The following SLC6A7 variants were observed in gnomAD, a reference collection of about 807,000 sequenced individuals.
SLC6A7 encodes the protein sodium-dependent proline transporter.
Under a neutral mutation model 73.1 loss-of-function variants are expected in SLC6A7, and 58 were observed. That is an observed-to-expected ratio of 0.79 (90% CI 0.64 to 0.99). The LOEUF (loss-of-function observed/expected upper bound fraction) is 0.99, where lower values mean the gene tolerates loss of function less well. SLC6A7 is among the 50% of genes least tolerant of loss of function. The pLI, the probability that SLC6A7 is intolerant of heterozygous loss-of-function variation, is 0.00. For missense variants in SLC6A7, 783 were observed against 831.4 expected (o/e 0.94, Z 0.72); for synonymous variants, 338 against 338.7 (o/e 1.00, Z 0.02).
Position 150,190,227 on chromosome 5 carries a change from G to T in SLC6A7, c.-101G>T. 1 of 1,024,906 alleles carries T rather than the reference G, an allele frequency of 9.8e-7. No homozygotes were observed. The highest frequency in any genetic ancestry group is 1.4e-6 in the Non-Finnish European group (1 of 721,336). 63.5% of individuals were successfully genotyped at this position (1,024,906 alleles called of 1,614,324 possible). On this transcript the variant is annotated 5_prime_UTR_variant, in exon 1 of 14. Transcript: ENST00000230671. ...TCCGTGCCCGCCCCAGCCGGTGCGC[G>T]GGAGCCGCGGGGGCAAAGGCGCAGT...
Position 150,190,290 on chromosome 5 carries a change from C to T in SLC6A7, c.-38C>T, listed in dbSNP as rs1752713916. 2 of 1,503,304 alleles carry T rather than the reference C, an allele frequency of 1.3e-6. No individual in the cohort carries two copies. Among genetic ancestry groups the T allele is most frequent in the African/African-American group, 1.5e-5 (1 of 68,928 alleles). The allele number at this position is 1,503,304 out of a possible 1,614,324, so 93.1% of individuals were successfully genotyped here. ...ATCTCTCGTGCCCTCGCTCTCTGCG[C>T]TCCGGGGCAGCTGAGCCCCGGCCAC... On this transcript the variant is annotated 5_prime_UTR_variant, in exon 1 of 14. Coordinates refer to ENST00000230671, the MANE Select transcript of SLC6A7 (RefSeq NM_014228.5).
chr5:150,199,736 T>G (rs145242639), intron 5 of SLC6A7, among the ~76,000 whole-genome samples: 1 of 152,146 alleles, frequency 6.6e-6, no homozygotes, highest in African/African-American at 2.4e-5. Flanking sequence ...TCACACTCAG[T>G]TGGAAAGTCC....
intron 13 of SLC6A7, among the ~76,000 whole-genome samples, chr5:150,208,925 C>T (rs546291498): frequency 3.0e-4 from 46 of 152,324 alleles, no homozygotes; most frequent in Non-Finnish European, 4.4e-4. Context: ...GCAGTTCTCC[C>T]GGTTCATGGC....
rs139562178 is a variant in SLC6A7 at position 150,207,128 on chromosome 5, T to C, written c.1701+1505T>C. The stretch of plus-strand genomic sequence containing the variant: ...CTGCACTTCCCTGAACCTCAGCTTC[T>C]CTGTCTTTATTTTTATTTTATTTTA... On this transcript the variant is annotated intron_variant, in intron 13 of 13. Transcript: ENST00000230671. Among the ~76,000 whole-genome samples, 608 of 152,352 alleles carry C rather than the reference T, an allele frequency of 4.0e-3. 5 individuals are homozygous for C. The highest frequency in any genetic ancestry group is 0.014 in the African/African-American group (588 of 41,584).
intron 2 of SLC6A7, among the ~76,000 whole-genome samples, chr5:150,196,129 C>T (rs912833750): frequency 1.3e-4 from 20 of 152,174 alleles, no homozygotes; most frequent in African/African-American, 4.6e-4. Flanking sequence ...GGGCGGTGAA[C>T]CCCCTCCTTC....
chr5:150,191,087 G>A (rs1268100930), intron 1 of SLC6A7, among the ~76,000 whole-genome samples: 2 of 152,198 alleles, frequency 1.3e-5, no homozygotes, highest in Non-Finnish European at 2.9e-5. Context: ...GACGTTTTCT[G>A]GCTTGTACCA....
In SLC6A7 at chr5:150,209,716, TGG is replaced by T. The variant is rs1485822137; in HGVS notation, c.*107_*108del. On this transcript the variant is annotated 3_prime_UTR_variant, in exon 14 of 14. Coordinates refer to ENST00000230671, the MANE Select transcript of SLC6A7 (RefSeq NM_014228.5). ...TGCCCTCTGGGATTCTGAGAGGCTA[TGG>T]GGGGGCCTGCCATAGGGATGCCAGT... The T allele has an allele frequency of 2.1e-6, 2 of 965,322 alleles. No individual in the cohort carries two copies. Among genetic ancestry groups the T allele is most frequent in the Non-Finnish European group, 3.2e-6 (2 of 629,720 alleles). 59.8% of individuals were successfully genotyped at this position (965,322 alleles called of 1,614,324 possible). A position where few individuals can be genotyped will look rare whatever the true frequency, so the allele number is the denominator to read the frequency against.
intron 8 of SLC6A7, among the ~76,000 whole-genome samples, chr5:150,203,045 G>A (rs1418284917): frequency 6.0e-5 from 9 of 150,426 alleles, no homozygotes; most frequent in Admixed American, 1.3e-4. Context: ...CTGCCCTCTA[G>A]CATGGGCAAC....
chr5:150,200,515 T>C (rs1753320569), intron 5 of SLC6A7, among the ~76,000 whole-genome samples: 1 of 151,940 alleles, frequency 6.6e-6, no homozygotes, highest in South Asian at 2.1e-4. Context: ...AAAGAAAAAC[T>C]CAGAAACCTT....
At chr5:150,195,251 T>G in intron 2 of SLC6A7, 1 of 212,566 alleles carries the variant, frequency 4.7e-6, no homozygotes, top group Non-Finnish European at 9.5e-6. Flanking sequence ...TCACTGCACT[T>G]TCAGTGTTCT....
intron 2 of SLC6A7, among the ~76,000 whole-genome samples, chr5:150,196,018 G>A: frequency 6.6e-6 from 1 of 152,232 alleles, no homozygotes; most frequent in Non-Finnish European, 1.5e-5. Context: ...CAACCCAAGA[G>A]CTTTGCAGAA....
Position 150,209,609 on chromosome 5 carries a change from G to T in SLC6A7, c.1905G>T (p.Met635Ile). ...AGATTGCAGAGGAGGAGGAGTCGATGATGTGAGGCAGGAGGCAGGCGGGCA... is the reference window on the plus strand; with the variant it reads ...AGATTGCAGAGGAGGAGGAGTCGATTATGTGAGGCAGGAGGCAGGCGGGCA... ...DREIAEEEES[M>I]M The change falls in exon 14 of 14, where the codon ATG (methionine) becomes ATT (isoleucine). Residue 635 changes from methionine (M) to isoleucine (I), a missense_variant. Coordinates refer to ENST00000230671, the MANE Select transcript of SLC6A7 (RefSeq NM_014228.5). 6.2e-7 allele frequency: 1 copy of T among 1,600,274 alleles called. No homozygotes were observed. Among genetic ancestry groups the T allele is most frequent in the Non-Finnish European group, 8.5e-7 (1 of 1,173,052 alleles).
At chr5:150,201,032 G>A in intron 5 of SLC6A7, 57 bp from the exon 6 acceptor site, 1 of 1,592,534 alleles carries the variant, frequency 6.3e-7, no homozygotes. Flanking sequence ...AGTTTACAAG[G>A]AATGGCACTG....
At chr5:150,199,470 C>G in intron 5 of SLC6A7, 104 bp downstream of exon 5, 1 of 791,556 alleles carries the variant, frequency 1.3e-6, no homozygotes, top group Non-Finnish European at 2.1e-6. Context: ...GAGACTTCAG[C>G]TGGGCAGAGG....
At chr5:150,205,965 G>A (rs1753678922) in intron 13 of SLC6A7, among the ~76,000 whole-genome samples, 2 of 152,198 alleles carry the variant, frequency 1.3e-5, no homozygotes, top group African/African-American at 2.4e-5. Context: ...GACAGTGAGG[G>A]ACCCCAGAGG....
At position 150,199,291 on chromosome 5, in the gene SLC6A7, C is replaced by T; in HGVS notation, c.648C>T (p.Asn216=). 2 of 1,614,098 alleles carry T rather than the reference C, an allele frequency of 1.2e-6. No homozygotes were observed. Among genetic ancestry groups the T allele is most frequent in the South Asian group, 2.2e-5 (2 of 91,074 alleles). The stretch of plus-strand genomic sequence containing the variant: ...GCAGCCCTGGGGAGATCCGCTGGAA[C>T]CTCTGCCTCTGCCTGCTGCTGGCCT... ...GIGSPGEIRW[N]LCLCLLLAWV... Residue 216 remains asparagine, a synonymous_variant, in exon 5 of 14, where the codon AAC becomes AAT. Transcript: ENST00000230671.
At chr5:150,200,274 C>G (rs1156993011) in intron 5 of SLC6A7, among the ~76,000 whole-genome samples, 9 of 152,186 alleles carry the variant, frequency 5.9e-5, no homozygotes, top group Non-Finnish European at 1.3e-4. Context: ...GGGTGGATCA[C>G]CTGAGGTCAG....
In SLC6A7 at chr5:150,197,047, G is replaced by T; in HGVS notation, c.355G>T (p.Gly119Cys). 1 of 1,613,548 alleles carries T rather than the reference G, an allele frequency of 6.2e-7. No homozygotes were observed. Residue 119 changes from glycine to cysteine, a missense_variant, in exon 4 of 14, where the codon GGC becomes TGC. Gly to Cys is a radical substitution (Grantham distance 159). Transcript: ENST00000230671. Reference sequence around the variant, plus strand: ...GCAGCCTCTCCCCACACCAGGCGCCGGCGCAGCCATGCTGCTCATCGTGGG... The same window carrying T: ...GCAGCCTCTCCCCACACCAGGCGCCTGCGCAGCCATGCTGCTCATCGTGGG... ...WKISPLFKGA[G>C]AAMLLIVGLV...
At chr5:150,205,248 C>G (rs1753627881) in intron 12 of SLC6A7, among the ~76,000 whole-genome samples, 1 of 150,994 alleles carries the variant, frequency 6.6e-6, no homozygotes, top group African/African-American at 2.4e-5. Context: ...TTGTGCAGGC[C>G]TTGGTGTTGG....
Sources: allele counts gnomAD v4.1 joint callset (sites outside exome capture counted in the v4.1 genomes callset), GRCh38; gene constraint gnomAD v4.1.1; transcripts MANE v1.5; gene names NCBI Gene and HGNC (gene_info 2026-07-23, HGNC 2026-07-21).